The following ABCA6 variants were observed in gnomAD, a reference collection of about 807,000 sequenced individuals.
ABCA6 encodes ATP-binding cassette sub-family A member 6.
In ABCA6, 164 loss-of-function variants were observed where a neutral mutation model predicts 191.2. The ratio of observed to expected loss-of-function variants is 0.86; its 90% CI spans 0.76 to 0.98. The LOEUF is 0.98. ABCA6 is among the 50% of genes least tolerant of loss of function. The pLI is 0.00. For missense variants in ABCA6, 1,958 were observed against 1,894.1 expected (o/e 1.03, Z -0.63); for synonymous variants, 636 against 647.7 (o/e 0.98, Z 0.27).
intron 4 of ABCA6, 67 bp downstream of exon 4, chr17:69,136,025 A>C: frequency 1.4e-6 from 2 of 1,470,014 alleles, no homozygotes; most frequent in Non-Finnish European, 1.9e-6. Context: ...TCTGTTGCCC[A>C]ACCTCCTCTG....
At chr17:69,116,237 A>G (rs1417818265) in intron 11 of ABCA6, among the ~76,000 whole-genome samples, 1 of 152,112 alleles carries the variant, frequency 6.6e-6, no homozygotes, top group Admixed American at 6.6e-5. Context: ...GAAAAATTAA[A>G]TAGAAGCCTC....
chr17:69,133,925 A>G (rs573703844), intron 5 of ABCA6, 58 bp from the exon 6 acceptor site: 1 of 1,172,646 alleles, frequency 8.5e-7, no homozygotes, highest in East Asian at 2.5e-5. Flanking sequence ...CTGGTGAACT[A>G]TGAGTAAGCT....
chr17:69,113,083 G>A, intron 15 of ABCA6, 139 bp downstream of exon 15: 6 of 941,710 alleles, frequency 6.4e-6, no homozygotes, highest in Non-Finnish European at 8.6e-6. Context: ...AGTGGAACTA[G>A]ACTCCTGTCG....
chr17:69,115,725 C>G, intron 11 of ABCA6: 1 of 311,278 alleles, frequency 3.2e-6, no homozygotes, highest in Non-Finnish European at 5.8e-6. Context: ...TGGAACAGAA[C>G]AGAAGTCTAA....
chr17:69,117,141 T>C (rs1443699317), intron 11 of ABCA6, among the ~76,000 whole-genome samples: 1 of 152,042 alleles, frequency 6.6e-6, no homozygotes, highest in Admixed American at 6.6e-5. Flanking sequence ...CTCAAAGACC[T>C]AATCTAAAAG....
intron 1 of ABCA6, 136 bp downstream of exon 1, chr17:69,141,609 G>A (rs2074024152): frequency 6.6e-6 from 1 of 151,916 alleles, no homozygotes; most frequent in African/African-American, 2.4e-5. Flanking sequence ...AAGTGGTTGG[G>A]AAAAAGCAGA....
At chr17:69,096,526 T>C in intron 24 of ABCA6, 102 bp downstream of exon 24, 1 of 1,024,444 alleles carries the variant, frequency 9.8e-7, no homozygotes, top group East Asian at 3.0e-5. Context: ...TTTTGGTTTA[T>C]TACAAAATAT....
chr17:69,136,798 C>A (rs2073955767), intron 3 of ABCA6, among the ~76,000 whole-genome samples: 2 of 152,062 alleles, frequency 1.3e-5, no homozygotes, highest in African/African-American at 4.8e-5. Flanking sequence ...TCATAATGAT[C>A]TCATTTAGAA....
At chr17:69,132,242 A>G (rs1254863947) in intron 6 of ABCA6, among the ~76,000 whole-genome samples, 1 of 152,158 alleles carries the variant, frequency 6.6e-6, no homozygotes, top group Non-Finnish European at 1.5e-5. Context: ...TTTGCTTGAT[A>G]TGGGGCATAG....
rs762344231 is a variant in ABCA6 at position 69,137,356 on chromosome 17, G to T, written c.241C>A (p.Pro81Thr). 2 of 1,613,578 alleles carry T rather than the reference G, an allele frequency of 1.2e-6. No homozygotes were observed. The highest frequency in any genetic ancestry group is 1.7e-6 in the Non-Finnish European group (2 of 1,179,722). Residue 81 changes from proline to threonine, a missense_variant, in exon 3 of 39, where the codon CCA becomes ACA. Transcript: ENST00000284425. ...ATCTGCTGGGTTAAATTAGATATTGGTGTATACACAACCATTAAAGAAGAG... is the reference window on the plus strand; with the variant it reads ...ATCTGCTGGGTTAAATTAGATATTGTTGTATACACAACCATTAAAGAAGAG... ...NSSSLMVVYT[P>T]ISNLTQQIMN... is the part of the protein sequence containing the mutation.
chr17:69,092,054 A>G (rs2072936811), intron 25 of ABCA6, among the ~76,000 whole-genome samples: 1 of 152,054 alleles, frequency 6.6e-6, no homozygotes, highest in African/African-American at 2.4e-5. Flanking sequence ...TTCCAAACAA[A>G]TGACTTTTCT....
rs764521650 is a variant in ABCA6, at chr17:69,084,298, A to T, written c.4318T>A (p.Ser1440Thr). The T allele has an allele frequency of 3.1e-6, 5 of 1,614,150 alleles. No homozygotes were observed. In the Admixed American group the frequency reaches 5.0e-5, roughly 16 times the overall value. Residue 1440 changes from serine (S) to threonine (T), a missense_variant, in exon 34 of 39, where the codon TCT becomes ACT. By Grantham distance (58) the Ser-to-Thr change is moderately conservative. Coordinates refer to ENST00000284425, the MANE Select transcript of ABCA6 (RefSeq NM_080284.3). ...NSPVLLLDEP[S>T]TGIDPTGQQQ... ...TGCCCTGTGGGGTCTATGCCCGTAG[A>T]TGGTTCATCCAGGAGCAAGACAGGT...
intron 25 of ABCA6, among the ~76,000 whole-genome samples, chr17:69,093,871 A>T (rs2072988687): frequency 6.6e-6 from 1 of 152,262 alleles, no homozygotes; most frequent in African/African-American, 2.4e-5. Context: ...AGGAAAAACA[A>T]TCAGAAATTA....
chr17:69,098,093 C>G (rs1391810450), intron 22 of ABCA6, 66 bp from the exon 23 acceptor site: 1 of 1,184,558 alleles, frequency 8.4e-7, no homozygotes, highest in Non-Finnish European at 1.2e-6. Flanking sequence ...ATTATAGCCA[C>G]AAAAATGCAC....
Position 69,112,109 on chromosome 17 carries a change from T to G in ABCA6, c.2132+74A>C, listed in dbSNP as rs2073434814. 10 of 1,130,196 alleles carry G rather than the reference T, an allele frequency of 8.8e-6. No individual in the cohort carries two copies. The South Asian group carries it at 1.3e-4, about 14-fold the overall frequency. 70.0% of individuals were successfully genotyped at this position (1,130,196 alleles called of 1,614,324 possible). On this transcript the variant is annotated intron_variant, in intron 16 of 38. Coordinates refer to ENST00000284425, the MANE Select transcript of ABCA6 (RefSeq NM_080284.3). ...GAGATGAAGCACGAGGCCAGTTCTG[T>G]TTCATAATTGTCCACCTTTTTCATA...
At chr17:69,096,502 T>A in intron 24 of ABCA6, 126 bp downstream of exon 24, 1 of 838,226 alleles carries the variant, frequency 1.2e-6, no homozygotes, top group Admixed American at 3.8e-5. Context: ...TACATGCACT[T>A]TGCATGTTTT....
Position 69,125,054 on chromosome 17 carries a change from AAAT to A in ABCA6, c.1120-22_1120-20del, listed in dbSNP as rs764260815. The A allele has an allele frequency of 1.6e-6, 2 of 1,220,862 alleles. No individual in the cohort carries two copies. Among genetic ancestry groups the A allele is most frequent in the Non-Finnish European group, 2.2e-6 (2 of 916,842 alleles). 75.6% of individuals were successfully genotyped at this position (1,220,862 alleles called of 1,614,324 possible). On this transcript the variant is annotated intron_variant, in intron 8 of 38. Coordinates refer to ENST00000284425, the MANE Select transcript of ABCA6 (RefSeq NM_080284.3). ...TGATAATCTAAGATTCAAAAAATAA[AAAT>A]AAATGTTTAAAATAAATAAATAAAT...
chr17:69,116,072 G>A (rs1437543170), intron 11 of ABCA6, among the ~76,000 whole-genome samples: 12 of 152,038 alleles, frequency 7.9e-5, no homozygotes. Context: ...GCCCAGGCTG[G>A]TTTCAAACTC....
In ABCA6 at chr17:69,079,219, T is replaced by G; in HGVS notation, c.4743A>C (p.Thr1581=). 6.2e-7 allele frequency: 1 copy of G among 1,609,562 alleles called. No homozygotes were observed. The highest frequency in any genetic ancestry group is 1.1e-5 in the South Asian group (1 of 89,802). The part of the protein sequence containing the change: ...NLEEYSLSQC[T]LEKVFLELSK... Reference sequence around the variant, plus strand: ...AAACCACTTGACTTACCTTCTCCAGTGTGCACTGAGAAAGGCTGTATTCTT... The same window carrying G: ...AAACCACTTGACTTACCTTCTCCAGGGTGCACTGAGAAAGGCTGTATTCTT... Residue 1581 remains threonine, a synonymous_variant, in exon 38 of 39, where the codon ACA becomes ACC. Coordinates refer to ENST00000284425, the MANE Select transcript of ABCA6 (RefSeq NM_080284.3).
Sources: allele counts gnomAD v4.1 joint callset (sites outside exome capture counted in the v4.1 genomes callset), GRCh38; gene constraint gnomAD v4.1.1; transcripts MANE v1.5; gene names NCBI Gene and HGNC (gene_info 2026-07-23, HGNC 2026-07-21).